The following EDIL3 variants were observed in gnomAD, a reference collection of about 807,000 sequenced individuals.
The protein encoded by EDIL3 is EGF like and discoidin domains 3, also known as EGF-like repeat and discoidin I-like domain-containing protein 3.
Under a neutral mutation model 67.4 loss-of-function variants are expected in EDIL3, and 37 were observed. The observed-to-expected ratio is 0.55, with a 90% CI of 0.42 to 0.72. The LOEUF (loss-of-function observed/expected upper bound fraction) is 0.72. Among genes scored for constraint, EDIL3 ranks in the 30% least tolerant of loss-of-function variants. The pLI, the probability that EDIL3 is intolerant of heterozygous loss-of-function variation, is 0.00. For synonymous variants in EDIL3, 195 were observed against 196.3 expected (o/e 0.99, Z 0.05); for missense variants, 527 against 586.3 (o/e 0.90, Z 1.04).
chr5:84,094,729 A>G (rs946444067), intron 6 of EDIL3, among the ~76,000 whole-genome samples: 1 of 152,250 alleles, frequency 6.6e-6, no homozygotes. Context: ...TGTACTACAG[A>G]AATTTATAAC....
intron 9 of EDIL3, among the ~76,000 whole-genome samples, chr5:84,040,459 T>A (rs958338869): frequency 6.6e-6 from 1 of 150,422 alleles, no homozygotes; most frequent in African/African-American, 2.4e-5. Context: ...AATAAAAAAA[T>A]TGATTTAAAT....
rs112461461 is a variant in EDIL3, at chr5:84,184,053, C to T, written c.227-3532G>A. Among the ~76,000 whole-genome samples the T allele has an allele frequency of 2.3e-3, 354 of 152,258 alleles. 1 individual carries two copies. The highest frequency in any genetic ancestry group is 8.3e-3 in the African/African-American group (346 of 41,558). On this transcript the variant is annotated intron_variant, in intron 3 of 10. Coordinates refer to ENST00000296591, the MANE Select transcript of EDIL3 (RefSeq NM_005711.5). ...CCCGGGAGATGGTGGTTGCAGTGAGCCAAGATCGTGCCATTGCACTCCAGC... is the reference window on the plus strand; with the variant it reads ...CCCGGGAGATGGTGGTTGCAGTGAGTCAAGATCGTGCCATTGCACTCCAGC...
intron 9 of EDIL3, among the ~76,000 whole-genome samples, chr5:84,043,556 C>T (rs1484033318): frequency 6.6e-6 from 1 of 152,158 alleles, no homozygotes; most frequent in Non-Finnish European, 1.5e-5. Context: ...TAAGGTTAAA[C>T]CACATTCTAT....
intron 1 of EDIL3, among the ~76,000 whole-genome samples, chr5:84,372,902 G>A (rs536393440): frequency 1.9e-4 from 29 of 152,292 alleles, no homozygotes; most frequent in Non-Finnish European, 4.0e-4. Flanking sequence ...GACAGTCAAA[G>A]AGAATAATGC....
At chr5:84,320,824 G>C (rs17206432) in intron 1 of EDIL3, among the ~76,000 whole-genome samples, 2,094 of 152,250 alleles carry the variant, frequency 0.014, 29 homozygotes, top group Non-Finnish European at 0.022. Flanking sequence ...GATGCTAAAA[G>C]GAAGAAAAGT....
intron 1 of EDIL3, among the ~76,000 whole-genome samples, chr5:84,266,501 C>T (rs753256066): frequency 2.0e-5 from 3 of 152,130 alleles, no homozygotes; most frequent in Admixed American, 6.5e-5. Flanking sequence ...GGGTGGTATG[C>T]GTGCAGTTTA....
At chr5:84,224,761 C>T (rs1744416663) in intron 3 of EDIL3, among the ~76,000 whole-genome samples, 1 of 151,444 alleles carries the variant, frequency 6.6e-6, no homozygotes, top group Non-Finnish European at 1.5e-5. Flanking sequence ...TATAGTAGCA[C>T]AGTTCAGAGA....
At chr5:84,361,270 A>AACACACACACACACACAC (rs10553087) in intron 1 of EDIL3, among the ~76,000 whole-genome samples, 1 of 147,398 alleles carries the variant, frequency 6.8e-6, no homozygotes, top group Non-Finnish European at 1.5e-5. Flanking sequence ...AGGTCATTAC[A>AACACACACACACACACAC]ACACACACAC....
rs368228833 is a variant in EDIL3 at position 84,377,642 on chromosome 5, G to A, written c.67+6666C>T. On this transcript the variant is annotated intron_variant, in intron 1 of 10. Transcript: ENST00000296591. ...AAGCACAAACCTTAAGGAATGCATG[G>A]TGGCCTAACCCCATTTAGAGATTAT... Among the ~76,000 whole-genome samples, 73 of 152,284 alleles carry A rather than the reference G, an allele frequency of 4.8e-4. No individual in the cohort carries two copies. The South Asian group carries it at 0.014, about 30-fold the overall frequency.
chr5:84,144,995 C>T (rs1488891257), intron 4 of EDIL3, among the ~76,000 whole-genome samples: 3 of 152,060 alleles, frequency 2.0e-5, no homozygotes, highest in Non-Finnish European at 4.4e-5. Context: ...CTCATTCATT[C>T]ATTAGAATTC....
intron 1 of EDIL3, among the ~76,000 whole-genome samples, chr5:84,326,856 G>T (rs1021880906): frequency 6.6e-6 from 1 of 151,338 alleles, no homozygotes; most frequent in African/African-American, 2.4e-5. Context: ...ATGTTGAATT[G>T]TATTTATCTT....
At chr5:84,215,417 C>T (rs1398188893) in intron 3 of EDIL3, among the ~76,000 whole-genome samples, 1 of 152,066 alleles carries the variant, frequency 6.6e-6, no homozygotes. Flanking sequence ...CCACACCTGG[C>T]TAATTTTTTG....
At chr5:84,176,356 A>G (rs1748916348) in intron 4 of EDIL3, among the ~76,000 whole-genome samples, 1 of 143,914 alleles carries the variant, frequency 6.9e-6, no homozygotes, top group Admixed American at 7.1e-5. Context: ...AGCTAATGTG[A>G]TAACATGGGC....
chr5:83,995,496 G>A (rs568847328), intron 9 of EDIL3, among the ~76,000 whole-genome samples: 4 of 152,128 alleles, frequency 2.6e-5, no homozygotes, highest in Admixed American at 6.6e-5. Flanking sequence ...CTGCTGAGTC[G>A]TTGCATACTA....
intron 2 of EDIL3, among the ~76,000 whole-genome samples, chr5:84,252,517 A>AAAAAAAC: frequency 6.7e-6 from 1 of 149,402 alleles, no homozygotes; most frequent in Admixed American, 6.7e-5. Context: ...AAAAAAAAAA[A>AAAAAAAC]ATTCTGCTAA....
rs1304709748 is a variant in EDIL3 at position 84,372,958 on chromosome 5, G to A, written c.67+11350C>T. Among the ~76,000 whole-genome samples the A allele has an allele frequency of 2.0e-5, 3 of 152,020 alleles. No individual in the cohort carries two copies. The East Asian group carries it at 5.8e-4, about 29-fold the overall frequency. On this transcript the variant is annotated intron_variant, in intron 1 of 10. Coordinates refer to ENST00000296591, the MANE Select transcript of EDIL3 (RefSeq NM_005711.5). ...ATCTGCATTCTGCTTAGAGTAAATC[G>A]GCTCTCCTCCAGGATACCTTGCAGC...
chr5:84,324,633 G>T (rs1746716671), intron 1 of EDIL3, among the ~76,000 whole-genome samples: 2 of 150,768 alleles, frequency 1.3e-5, no homozygotes, highest in African/African-American at 2.4e-5. Flanking sequence ...TTGATTCCAT[G>T]AAAAAAATCA....
At chr5:84,033,890 T>C (rs1337384727) in intron 9 of EDIL3, among the ~76,000 whole-genome samples, 1 of 152,014 alleles carries the variant, frequency 6.6e-6, no homozygotes, top group African/African-American at 2.4e-5. Flanking sequence ...CGTTACACTT[T>C]AATATGACAG....
Position 84,066,602 on chromosome 5 carries a change from T to C in EDIL3, c.656A>G (p.Asn219Ser), listed in dbSNP as rs753936378. 6 of 1,611,754 alleles carry C rather than the reference T, an allele frequency of 3.7e-6. No individual in the cohort carries two copies. In the South Asian group the frequency reaches 6.7e-5, roughly 18 times the overall value. The change falls in exon 7 of 11, where the codon AAT becomes AGT. Residue 219 changes from asparagine (N) to serine (S), a missense_variant. Physicochemically the swap from Asn to Ser is conservative, Grantham distance 46 (BLOSUM62 1). This residue lies in a region of EDIL3 where 494 missense variants were observed against 522.5 expected (regional missense o/e 0.95). Transcript: ENST00000296591. The stretch of plus-strand genomic sequence containing the variant: ...AGTAACTCTCATTTTCCTTTGCAAA[T>C]TTATCTGAAAAGACGAGCACAACCA... Reference protein sequence around the residue: ...ENDRWPWIQINLQRKMRVTGV... With the variant: ...ENDRWPWIQISLQRKMRVTGV...
Sources: allele counts gnomAD v4.1 joint callset (sites outside exome capture counted in the v4.1 genomes callset), GRCh38; gene constraint gnomAD v4.1.1; regional missense constraint gnomAD v4.1.1; transcripts MANE v1.5; gene names NCBI Gene and HGNC (gene_info 2026-07-23, HGNC 2026-07-21).